Variants in SEPTIN9 observed in about 807,000 individuals in gnomAD.
SEPTIN9 encodes septin-9.
SEPTIN9 carries 13 observed loss-of-function variants against 56.6 expected under a neutral mutation model. The observed-to-expected ratio is 0.23, with a 90% CI of 0.15 to 0.37. The LOEUF (loss-of-function observed/expected upper bound fraction) is 0.37, where lower values mean the gene tolerates loss of function less well. SEPTIN9 is among the 10% of genes least tolerant of loss of function. The pLI, the probability that SEPTIN9 is intolerant of heterozygous loss-of-function variation, is 1.00. For missense variants in SEPTIN9, 650 were observed against 823.1 expected, an observed-to-expected ratio of 0.79 and a Z score of 2.57; for synonymous variants, 332 against 334.1, an observed-to-expected ratio of 0.99 and a Z score of 0.07.
rs1184405952 is a variant in SEPTIN9 at position 77,429,751 on chromosome 17, C to T, written c.721+27048C>T. On this transcript the variant is annotated intron_variant, in intron 3 of 11. Coordinates refer to ENST00000427177, the MANE Select transcript of SEPTIN9 (RefSeq NM_001113491.2). The surrounding 1 kb of genome is among the most constrained non-coding windows in gnomAD (Gnocchi z 5.2). Reference sequence around the variant, plus strand: ...AAGTGAGCATCCTGAGCTGCGGGGACCCAGGGGGTCTTAGAGACCTCAGAG... The same window carrying T: ...AAGTGAGCATCCTGAGCTGCGGGGATCCAGGGGGTCTTAGAGACCTCAGAG... Among the ~76,000 whole-genome samples the T allele has an allele frequency of 2.6e-5, 4 of 152,048 alleles. No individual in the cohort carries two copies. In the East Asian group the frequency reaches 7.7e-4, roughly 29 times the overall value.
chr17:77,373,986 C>T lies in SEPTIN9; in HGVS notation c.77-28073C>T, dbSNP rs552692907. The T allele has an allele frequency of 3.2e-4, 52 of 160,844 alleles. 1 individual carries two copies. The South Asian group carries it at 9.2e-3, about 28-fold the overall frequency. The allele number at this position is 160,844 out of a possible 1,614,324, so 10.0% of individuals were successfully genotyped here. The stretch of plus-strand genomic sequence containing the variant: ...GCGGCTCTCGGGCCCCGCTTGGACC[C>T]GGCAACGGGATAGGGAGGTCGTTCC... On this transcript the variant is annotated intron_variant, in intron 2 of 11. Coordinates refer to ENST00000427177, the MANE Select transcript of SEPTIN9 (RefSeq NM_001113491.2).
intron 1 of SEPTIN9, among the ~76,000 whole-genome samples, chr17:77,290,492 C>A (rs899784239): frequency 6.6e-6 from 1 of 151,726 alleles, no homozygotes; most frequent in Non-Finnish European, 1.5e-5. Flanking sequence ...ATCTTCTGAC[C>A]TCGTGATCCA....
chr17:77,380,436 C>A (rs1396962710), intron 2 of SEPTIN9, among the ~76,000 whole-genome samples: 1 of 151,928 alleles, frequency 6.6e-6, no homozygotes, highest in African/African-American at 2.4e-5. Flanking sequence ...CCCCCTACAG[C>A]CTTTGGCATT....
chr17:77,415,640 A>G (rs11657330), intron 3 of SEPTIN9, among the ~76,000 whole-genome samples: 2 of 119,370 alleles, frequency 1.7e-5, no homozygotes, highest in South Asian at 5.0e-4. Flanking sequence ...AAAAAAAAAA[A>G]AAAAGAAAAA....
At chr17:77,350,497 A>C (rs757138571) in intron 2 of SEPTIN9, among the ~76,000 whole-genome samples, 3 of 152,128 alleles carry the variant, frequency 2.0e-5, no homozygotes, top group Non-Finnish European at 4.4e-5. Context: ...GAGTCAGGGT[A>C]GTGTCTTCTT....
chr17:77,452,015 C>T (rs529611895), intron 3 of SEPTIN9, among the ~76,000 whole-genome samples: 1 of 152,170 alleles, frequency 6.6e-6, no homozygotes, highest in African/African-American at 2.4e-5. Flanking sequence ...CTCGAAATGC[C>T]GTAACCGAAG....
chr17:77,488,494 C>A (rs1281371008), intron 6 of SEPTIN9, among the ~76,000 whole-genome samples, 173 bp downstream of exon 6: 1 of 152,202 alleles, frequency 6.6e-6, no homozygotes, highest in Non-Finnish European at 1.5e-5. Context: ...TGGACCAAAG[C>A]AGAATTACCT....
At chr17:77,286,891 T>C (rs776187029) in intron 1 of SEPTIN9, among the ~76,000 whole-genome samples, 16 of 152,136 alleles carry the variant, frequency 1.1e-4, no homozygotes, top group Non-Finnish European at 2.1e-4. Context: ...TGTGAACCTT[T>C]GGGGTGAGGC....
intron 2 of SEPTIN9, among the ~76,000 whole-genome samples, chr17:77,328,999 C>T (rs966555947): frequency 1.6e-4 from 25 of 152,196 alleles, no homozygotes; most frequent in African/African-American, 6.0e-4. Flanking sequence ...AAGGAAACAG[C>T]AGGTGTGAAG....
chr17:77,281,914 G>GC, intron 1 of SEPTIN9: 1 of 283,416 alleles, frequency 3.5e-6, no homozygotes, highest in Non-Finnish European at 6.7e-6. Context: ...AGGTGGAGGG[G>GC]TGTCCTTGGG....
At chr17:77,338,197 A>C (rs2033615171) in intron 2 of SEPTIN9, among the ~76,000 whole-genome samples, 1 of 149,322 alleles carries the variant, frequency 6.7e-6, no homozygotes. Context: ...ACTCCATCTC[A>C]AAAAAAAAAG....
chr17:77,487,614 TGGGGGTC>T lies in SEPTIN9; in HGVS notation c.1042+63_1042+69del, dbSNP rs2143338695. The T allele has an allele frequency of 2.7e-6, 4 of 1,473,046 alleles. No homozygotes were observed. Among genetic ancestry groups the T allele is most frequent in the Non-Finnish European group, 3.7e-6 (4 of 1,087,686 alleles). 91.2% of individuals were successfully genotyped at this position (1,473,046 alleles called of 1,614,324 possible). ...CCCTGCCTTCCTGGAGCACAGGGGT[TGGGGGTC>T]AAGACCATCACACACAGTCAGTGGC... On this transcript the variant is annotated intron_variant, in intron 5 of 11. Coordinates refer to ENST00000427177, the MANE Select transcript of SEPTIN9 (RefSeq NM_001113491.2). This position sits in a 1 kb window ranked among gnomAD's most constrained non-coding sequence, Gnocchi z 4.3.
At chr17:77,480,394 A>T (rs1021093060) in intron 3 of SEPTIN9, among the ~76,000 whole-genome samples, 8 of 152,146 alleles carry the variant, frequency 5.3e-5, no homozygotes, top group Admixed American at 3.9e-4. Context: ...GCCGAGAGGG[A>T]TGGCTTGAAT....
At chr17:77,479,378 G>A (rs928615952) in intron 3 of SEPTIN9, among the ~76,000 whole-genome samples, 8 of 152,220 alleles carry the variant, frequency 5.3e-5, no homozygotes, top group African/African-American at 1.9e-4. Context: ...AGACCCCAAA[G>A]CTCACCTGGC....
rs1039975443 is a variant in SEPTIN9 at position 77,445,692 on chromosome 17, G to T, written c.722-36452G>T. ...ACTGTTCTGGGCTCTTCTCCCAGTTGGCTGAGTTGGAGGTGGGAGTCCCAA... is the reference window on the plus strand; with the variant it reads ...ACTGTTCTGGGCTCTTCTCCCAGTTTGCTGAGTTGGAGGTGGGAGTCCCAA... On this transcript the variant is annotated intron_variant, in intron 3 of 11. Coordinates refer to ENST00000427177, the MANE Select transcript of SEPTIN9 (RefSeq NM_001113491.2). The surrounding 1 kb of genome is among the most constrained non-coding windows in gnomAD (Gnocchi z 4.7). 7 of 323,374 alleles carry T rather than the reference G, an allele frequency of 2.2e-5. No homozygotes were observed. The East Asian group carries it at 6.5e-4, about 30-fold the overall frequency. The allele number at this position is 323,374 out of a possible 1,614,324, so 20.0% of individuals were successfully genotyped here. A position where few individuals can be genotyped will look rare whatever the true frequency, so the allele number is the denominator to read the frequency against.
intron 1 of SEPTIN9, among the ~76,000 whole-genome samples, chr17:77,299,930 C>T (rs1162443807): frequency 1.3e-5 from 2 of 152,226 alleles, no homozygotes; most frequent in Non-Finnish European, 2.9e-5. Context: ...CCCCAGCCCT[C>T]CTCCTACCCC....
intron 2 of SEPTIN9, among the ~76,000 whole-genome samples, chr17:77,338,078 T>TC (rs1022958714): frequency 6.6e-5 from 10 of 152,040 alleles, no homozygotes; most frequent in Admixed American, 1.3e-4. Flanking sequence ...ATGCCTGTAG[T>TC]CCCAGCTGCT....
chr17:77,359,217 G>C (rs2034344085), intron 2 of SEPTIN9, among the ~76,000 whole-genome samples: 1 of 152,160 alleles, frequency 6.6e-6, no homozygotes, highest in African/African-American at 2.4e-5. Context: ...GGGCTTCCCT[G>C]TGCACAACCA....
intron 2 of SEPTIN9, among the ~76,000 whole-genome samples, chr17:77,382,954 G>A (rs1421087122): frequency 6.6e-6 from 1 of 152,120 alleles, no homozygotes; most frequent in African/African-American, 2.4e-5. Flanking sequence ...CTGGGGTAGG[G>A]GGCACAGAAC....
Sources: gnomAD v4.1 joint callset for allele counts (sites outside exome capture counted in the v4.1 genomes callset) on GRCh38, gnomAD v4.1.1 for gene constraint, Gnocchi (gnomAD v3.1) non-coding constraint, MANE v1.5 for transcripts, NCBI Gene and HGNC (gene_info 2026-07-23, HGNC 2026-07-21) for gene names.